ARHGEF7: variants seen among roughly 807,000 people sequenced by gnomAD.
ARHGEF7 encodes Rho guanine nucleotide exchange factor 7.
ARHGEF7 carries 33 observed loss-of-function variants against 109.8 expected under a neutral mutation model. The observed-to-expected ratio is 0.30, with a 90% CI of 0.23 to 0.40. ARHGEF7 has a LOEUF of 0.40. Among genes scored for constraint, ARHGEF7 ranks in the 10% least tolerant of loss-of-function variants. The pLI is 1.00. For synonymous variants in ARHGEF7, 458 were observed against 424.6 expected (o/e 1.08, Z -0.97); for missense variants, 938 against 1,098.5 (o/e 0.85, Z 2.07).
intron 10 of ARHGEF7, 49 bp downstream of exon 10, chr13:111,274,001 G>T (rs756247046): frequency 2.5e-6 from 4 of 1,598,208 alleles, no homozygotes; most frequent in Non-Finnish European, 2.6e-6. Context: ...AGGGTTAGTG[G>T]CATGGTCAGA....
At chr13:111,197,131 C>T (rs1368995380) in intron 2 of ARHGEF7, among the ~76,000 whole-genome samples, 1 of 152,140 alleles carries the variant, frequency 6.6e-6, no homozygotes, top group African/African-American at 2.4e-5. Context: ...GTCCCTGGAC[C>T]CTGCTGATCG....
intron 1 of ARHGEF7, among the ~76,000 whole-genome samples, chr13:111,152,082 T>C (rs2075919176): frequency 6.6e-6 from 1 of 152,192 alleles, no homozygotes. Context: ...ACTGTATTTG[T>C]AGAGGTTACT....
rs368302075 is a variant in ARHGEF7 at position 111,173,978 on chromosome 13, T to C, written c.252+19987T>C. 4.6e-5 allele frequency among the ~76,000 whole-genome samples: 7 copies of C among 152,168 alleles called. No homozygotes were observed. In the East Asian group the frequency reaches 1.2e-3, roughly 25 times the overall value. On this transcript the variant is annotated intron_variant, in intron 2 of 21. Coordinates refer to ENST00000646102, the MANE Select transcript of ARHGEF7 (RefSeq NM_001354046.2). ...AAATTTACTTAATTTTCAAGACAAA[T>C]TTGTGATCTCCGATTGGTATTAATA... is the stretch of plus-strand genomic sequence containing the variant.
intron 1 of ARHGEF7, among the ~76,000 whole-genome samples, chr13:111,125,770 C>G (rs2067517883): frequency 6.6e-6 from 1 of 152,108 alleles, no homozygotes; most frequent in Non-Finnish European, 1.5e-5. Flanking sequence ...TTTTAAGTAC[C>G]CATTTGTAGT....
At chr13:111,150,611 T>G (rs2075840034) in intron 1 of ARHGEF7, among the ~76,000 whole-genome samples, 1 of 152,228 alleles carries the variant, frequency 6.6e-6, no homozygotes, top group Non-Finnish European at 1.5e-5. Context: ...GTAGCCTGCT[T>G]GATGCTGTCC....
chr13:111,188,681 C>A (rs2079530819), intron 2 of ARHGEF7, among the ~76,000 whole-genome samples: 1 of 152,184 alleles, frequency 6.6e-6, no homozygotes, highest in South Asian at 2.1e-4. Flanking sequence ...CCTTGTTTGC[C>A]ATGGAATACA....
intron 2 of ARHGEF7, 52 bp downstream of exon 2, chr13:111,154,043 GC>G: frequency 6.5e-7 from 1 of 1,531,036 alleles, no homozygotes. Context: ...ACGGGGTTGG[GC>G]CCGGGGTGGG....
intron 1 of ARHGEF7, chr13:111,122,673 A>G (rs895930624): frequency 6.6e-6 from 1 of 152,270 alleles, no homozygotes; most frequent in African/African-American, 2.4e-5. Context: ...TGTGCGTGCT[A>G]GTGACCCAAT....
chr13:111,233,444 G>C, intron 6 of ARHGEF7, 151 bp downstream of exon 6: 1 of 657,332 alleles, frequency 1.5e-6, no homozygotes, highest in East Asian at 2.8e-5. Flanking sequence ...TTAAGGTTTT[G>C]GTCTGTTTCC....
At chr13:111,178,942 A>AC (rs1257619384) in intron 2 of ARHGEF7, among the ~76,000 whole-genome samples, 1 of 151,958 alleles carries the variant, frequency 6.6e-6, no homozygotes, top group Non-Finnish European at 1.5e-5. Flanking sequence ...TGCTAGAGAG[A>AC]GCCACTTAAT....
In ARHGEF7 at chr13:111,258,344, T is replaced by C. The variant is rs1452151932; in HGVS notation, c.951-9204T>C. On this transcript the variant is annotated intron_variant, in intron 8 of 21. Coordinates refer to ENST00000646102, the MANE Select transcript of ARHGEF7 (RefSeq NM_001354046.2). The surrounding 1 kb of genome is among the most constrained non-coding windows in gnomAD (Gnocchi z 4.4). ...TGCAGCCTGCACCTCCAGGAGAGACTCCTTCCTTCTGCTAGAGAATAAGAG... is the reference window on the plus strand; with the variant it reads ...TGCAGCCTGCACCTCCAGGAGAGACCCCTTCCTTCTGCTAGAGAATAAGAG... 6.6e-6 allele frequency among the ~76,000 whole-genome samples: 1 copy of C among 152,232 alleles called. No homozygotes were observed. The highest frequency in any genetic ancestry group is 2.4e-5 in the African/African-American group (1 of 41,470).
At chr13:111,223,624 G>A (rs890474175) in intron 5 of ARHGEF7, among the ~76,000 whole-genome samples, 5 of 152,172 alleles carry the variant, frequency 3.3e-5, no homozygotes, top group Non-Finnish European at 5.9e-5. Flanking sequence ...TCACCGTTGT[G>A]TTGGTGCTTT....
intron 6 of ARHGEF7, among the ~76,000 whole-genome samples, chr13:111,237,792 G>A (rs1323644881): frequency 6.6e-6 from 1 of 152,192 alleles, no homozygotes; most frequent in Non-Finnish European, 1.5e-5. Context: ...TTACACAGGT[G>A]ATATGATCTC....
intron 1 of ARHGEF7, among the ~76,000 whole-genome samples, chr13:111,128,922 T>C (rs1211402786): frequency 6.6e-6 from 1 of 152,208 alleles, no homozygotes; most frequent in Non-Finnish European, 1.5e-5. Context: ...TAGAAACAAC[T>C]TTGAAATGGA....
rs1177826370 is a variant in ARHGEF7 at position 111,139,572 on chromosome 13, CGTGGAGCACTGGCGGGTGCCTGT to C, written c.166-14310_166-14288del. On this transcript the variant is annotated intron_variant, in intron 1 of 21. Transcript: ENST00000646102. ...TGCGTGGAGCACTGGCGGGTGCCTG[CGTGGAGCACTGGCGGGTGCCTGT>C]GTGGAGCACTGGCGGGTGCCTGCGT... 3.2e-3 allele frequency among the ~76,000 whole-genome samples: 485 copies of C among 149,438 alleles called. 1 individual carries two copies. Among genetic ancestry groups the C allele is most frequent in the South Asian group, 5.9e-3 (28 of 4,742 alleles).
intron 8 of ARHGEF7, among the ~76,000 whole-genome samples, chr13:111,250,583 G>C (rs1268996542): frequency 6.6e-6 from 1 of 152,172 alleles, no homozygotes; most frequent in Non-Finnish European, 1.5e-5. Flanking sequence ...CCTCACACCA[G>C]CACTTCGTCA....
intron 5 of ARHGEF7, among the ~76,000 whole-genome samples, chr13:111,225,934 C>T (rs1192573651): frequency 6.6e-6 from 1 of 152,118 alleles, no homozygotes; most frequent in African/African-American, 2.4e-5. Context: ...AAGCTAGAAA[C>T]GATTAACCTT....
rs753205560 is a variant in ARHGEF7, at chr13:111,275,591, C to T, written c.1332C>T (p.Ala444=). The change falls in exon 12 of 22, where the codon GCC becomes GCT. Residue 444 remains alanine, a synonymous_variant. Transcript: ENST00000646102. ...TTGAGCTGCAGATCCTGACGGAAGC[C>T]ATCCGGAACTGGGAGGGCGATGACA... ...KELELQILTE[A]IRNWEGDDIK... 1.9e-6 allele frequency: 3 copies of T among 1,614,186 alleles called. No homozygotes were observed. Among genetic ancestry groups the T allele is most frequent in the Admixed American group, 3.3e-5 (2 of 60,028 alleles).
At chr13:111,171,303 G>A (rs1382030904) in intron 2 of ARHGEF7, among the ~76,000 whole-genome samples, 1 of 152,202 alleles carries the variant, frequency 6.6e-6, no homozygotes, top group Non-Finnish European at 1.5e-5. Context: ...AGGTATTTGG[G>A]TTTTGGTTGT....
Sources: allele counts gnomAD v4.1 joint callset (sites outside exome capture counted in the v4.1 genomes callset), GRCh38; gene constraint gnomAD v4.1.1; non-coding constraint Gnocchi (gnomAD v3.1); transcripts MANE v1.5; gene names NCBI Gene and HGNC (gene_info 2026-07-23, HGNC 2026-07-21).